RAB27A: variants seen among roughly 807,000 people sequenced by gnomAD.
The protein encoded by RAB27A is ras-related protein Rab-27A.
RAB27A carries 17 observed loss-of-function variants against 20.8 expected under a neutral mutation model. The observed-to-expected ratio is 0.82, with a 90% CI of 0.56 to 1.23. The LOEUF is 1.23. Among genes scored for constraint, RAB27A ranks in the 50% most tolerant of loss-of-function variants. RAB27A has a pLI of 0.00. For synonymous variants in RAB27A, 85 were observed against 92.8 expected (o/e 0.92, Z 0.48); for missense variants, 277 against 266.7 (o/e 1.04, Z -0.27).
chr15:55,276,651 G>C (rs186961669), intron 1 of RAB27A, among the ~76,000 whole-genome samples: 5 of 152,328 alleles, frequency 3.3e-5, no homozygotes, highest in Admixed American at 3.3e-4. Context: ...CAGGGACTGG[G>C]AGGAGGGGGA....
At chr15:55,308,001 T>C (rs1566941505) in intron 2 of RAB27A, among the ~76,000 whole-genome samples, 3 of 152,120 alleles carry the variant, frequency 2.0e-5, no homozygotes, top group South Asian at 2.1e-4. Context: ...TGGCTAGCCA[T>C]CCTGAGGGGA....
At chr15:55,228,462 T>C (rs1895896202) in intron 5 of RAB27A, 147 bp downstream of exon 5, 1 of 671,466 alleles carries the variant, frequency 1.5e-6, no homozygotes. Flanking sequence ...ATTATCTTTG[T>C]CCCTAAACTA....
chr15:55,311,297 T>C (rs757552975), intron 2 of RAB27A, among the ~76,000 whole-genome samples: 15 of 152,156 alleles, frequency 9.9e-5, no homozygotes, highest in Non-Finnish European at 2.2e-4. Context: ...ATCTAAGAAT[T>C]TACCTAGGTC....
chr15:55,214,040 T>TA (rs1895149253), intron 6 of RAB27A, among the ~76,000 whole-genome samples: 1 of 152,156 alleles, frequency 6.6e-6, no homozygotes, highest in Admixed American at 6.6e-5. Context: ...TTTTCCAGTA[T>TA]GATTCCTCAG....
At chr15:55,237,441 C>T (rs1448244991) in intron 2 of RAB27A, 1 of 152,138 alleles carries the variant, frequency 6.6e-6, no homozygotes, top group African/African-American at 2.4e-5. Flanking sequence ...AGGGCAGAGC[C>T]TCTACAAACA....
chr15:55,224,351 G>C (rs1895713227), intron 5 of RAB27A, among the ~76,000 whole-genome samples: 1 of 152,208 alleles, frequency 6.6e-6, no homozygotes, highest in South Asian at 2.1e-4. Context: ...TATTTGAAAA[G>C]AAAGTTGCAG....
Position 55,205,487 on chromosome 15 carries a change from T to C in RAB27A, c.*20A>G. ...CCCAGGCATGGGCCACCTGAACTAC[T>C]ATGTCGCTTACTTGACTTCTCAACA... On this transcript the variant is annotated 3_prime_UTR_variant, in exon 7 of 7. Transcript: ENST00000336787. The C allele has an allele frequency of 6.2e-7, 1 of 1,609,370 alleles. No individual in the cohort carries two copies. The highest frequency in any genetic ancestry group is 8.5e-7 in the Non-Finnish European group (1 of 1,175,662).
chr15:55,312,314 C>T (rs1377680637), intron 2 of RAB27A, among the ~76,000 whole-genome samples: 1 of 152,160 alleles, frequency 6.6e-6, no homozygotes, highest in Non-Finnish European at 1.5e-5. Context: ...ACTGCAGAAG[C>T]AAGACTTAAT....
At chr15:55,248,580 A>G (rs1896774452) in intron 2 of RAB27A, among the ~76,000 whole-genome samples, 2 of 152,214 alleles carry the variant, frequency 1.3e-5, no homozygotes, top group South Asian at 4.1e-4. Context: ...AGTGTTTCTA[A>G]TACTATGCCA....
rs538085400 is a variant in RAB27A at position 55,309,736 on chromosome 15, T to G, written c.-112+4303A>C. ...GCAGAGTATAAGGGTTAGGTACAGCTGGGTGTAGATGGACAATGGCCTCAT... is the reference window on the plus strand; with the variant it reads ...GCAGAGTATAAGGGTTAGGTACAGCGGGGTGTAGATGGACAATGGCCTCAT... On this transcript the variant is annotated intron_variant, in intron 2 of 5. Coordinates refer to the RAB27A transcript ENST00000563262. Among the ~76,000 whole-genome samples, 3 of 152,290 alleles carry G rather than the reference T, an allele frequency of 2.0e-5. No individual in the cohort carries two copies. The East Asian group carries it at 5.8e-4, about 29-fold the overall frequency.
chr15:55,315,413 G>A (rs2055038560), intron 1 of RAB27A, among the ~76,000 whole-genome samples: 1 of 152,116 alleles, frequency 6.6e-6, no homozygotes, highest in Non-Finnish European at 1.5e-5. Context: ...TCGACAAATG[G>A]GATCTAATTA....
intron 3 of RAB27A, among the ~76,000 whole-genome samples, chr15:55,232,321 G>A (rs964781468): frequency 2.6e-5 from 4 of 152,184 alleles, no homozygotes; most frequent in South Asian, 4.1e-4. Context: ...AAACAGCAAC[G>A]ACAAAAATAA....
At chr15:55,233,407 T>C (rs1374928077) in intron 3 of RAB27A, among the ~76,000 whole-genome samples, 11 of 151,974 alleles carry the variant, frequency 7.2e-5, no homozygotes, top group Non-Finnish European at 1.2e-4. Context: ...AATGATGCAC[T>C]AGAAAATAGA....
chr15:55,316,063 C>A (rs1474042764), intron 1 of RAB27A, among the ~76,000 whole-genome samples: 2 of 152,060 alleles, frequency 1.3e-5, no homozygotes, highest in African/African-American at 4.8e-5. Flanking sequence ...GAAACCCCAT[C>A]TCTACTAAAA....
chr15:55,217,038 GAC>G (rs141968495), intron 6 of RAB27A, among the ~76,000 whole-genome samples: 18,649 of 152,144 alleles, frequency 0.12, 1,427 homozygotes, highest in Admixed American at 0.2. Flanking sequence ...CATGCTAAAA[GAC>G]ACACAATATT....
intron 2 of RAB27A, among the ~76,000 whole-genome samples, chr15:55,308,771 A>T (rs2055008477): frequency 6.6e-6 from 1 of 152,216 alleles, no homozygotes; most frequent in Non-Finnish European, 1.5e-5. Context: ...TGACAGCCAC[A>T]AGTCTCCTTT....
chr15:55,274,860 T>TA (rs1411695380), intron 1 of RAB27A, among the ~76,000 whole-genome samples: 7 of 122,440 alleles, frequency 5.7e-5, no homozygotes, highest in East Asian at 2.2e-4. Context: ...TTAGCTAGTC[T>TA]AAAAAAAAGA....
At chr15:55,299,970 G>A (rs994703899) in intron 2 of RAB27A, among the ~76,000 whole-genome samples, 9 of 151,798 alleles carry the variant, frequency 5.9e-5, no homozygotes, top group Non-Finnish European at 7.4e-5. Context: ...ACAGGCGCCC[G>A]CCACCACACC....
chr15:55,223,820 C>G lies in RAB27A; in HGVS notation c.467+69G>C, dbSNP rs909494531. The G allele has an allele frequency of 3.4e-5, 53 of 1,580,328 alleles. No individual in the cohort carries two copies. In the African/African-American group the frequency reaches 6.9e-4, roughly 21 times the overall value. On this transcript the variant is annotated intron_variant, in intron 6 of 6. Transcript: ENST00000336787. Reference sequence around the variant, plus strand: ...TTTAATTGTCCACTTTTATCTTTTTCATTACCATTCACCTGCTAATGTTTA... The same window carrying G: ...TTTAATTGTCCACTTTTATCTTTTTGATTACCATTCACCTGCTAATGTTTA...
Sources: gnomAD v4.1 joint callset for allele counts (sites outside exome capture counted in the v4.1 genomes callset) on GRCh38, gnomAD v4.1.1 for gene constraint, MANE v1.5 for transcripts, NCBI Gene and HGNC (gene_info 2026-07-23, HGNC 2026-07-21) for gene names.